Variants in CCDC102B observed in about 807,000 individuals in gnomAD.
CCDC102B encodes coiled-coil domain-containing protein 102B.
CCDC102B carries 75 observed loss-of-function variants against 57.4 expected under a neutral mutation model. The ratio of observed to expected loss-of-function variants is 1.31; its 90% CI spans 1.08 to 1.58. The LOEUF is 1.58. Ranked by LOEUF, CCDC102B falls within the 40% of genes most tolerant of loss-of-function variation. The pLI is 0.00. For synonymous variants in CCDC102B, 206 were observed against 201.9 expected, an observed-to-expected ratio of 1.02 and a Z score of -0.17; for missense variants, 636 against 582.6, an observed-to-expected ratio of 1.09 and a Z score of -0.94.
chr18:68,746,121 G>A lies in CCDC102B; in HGVS notation c.-67+29527G>A, dbSNP rs536893498. 8.0e-4 allele frequency among the ~76,000 whole-genome samples: 122 copies of A among 152,214 alleles called. 1 individual carries two copies. The highest frequency in any genetic ancestry group is 1.5e-3 in the Admixed American group (23 of 15,268). On this transcript the variant is annotated intron_variant, in intron 2 of 3. Coordinates refer to the CCDC102B transcript ENST00000578970. Reference sequence around the variant, plus strand: ...GCAAATTTTAAAAAACATATGCAACGCATGACATCTTGTCCTAATCCTTAG... The same window carrying A: ...GCAAATTTTAAAAAACATATGCAACACATGACATCTTGTCCTAATCCTTAG...
intron 4 of CCDC102B, among the ~76,000 whole-genome samples, chr18:68,857,010 C>T (rs1331562988): frequency 2.3e-5 from 3 of 128,362 alleles, no homozygotes; most frequent in Non-Finnish European, 3.2e-5. Flanking sequence ...TTTGTTTTGT[C>T]TATTTTCTTT....
chr18:68,930,530 A>T (rs990077963), intron 6 of CCDC102B, among the ~76,000 whole-genome samples: 1 of 151,880 alleles, frequency 6.6e-6, no homozygotes, highest in African/African-American at 2.4e-5. Context: ...GGCCAAAATG[A>T]CTGCCTCGGG....
intron 5 of CCDC102B, among the ~76,000 whole-genome samples, chr18:68,883,325 C>T (rs891073110): frequency 2.0e-5 from 3 of 151,908 alleles, no homozygotes; most frequent in African/African-American, 4.8e-5. Context: ...GCAAGAGAAT[C>T]GCTCAAACCC....
chr18:68,777,588 C>T (rs1015586668), intron 2 of CCDC102B, among the ~76,000 whole-genome samples: 1 of 152,032 alleles, frequency 6.6e-6, no homozygotes, highest in Non-Finnish European at 1.5e-5. Flanking sequence ...TTTTTCTTGG[C>T]ATGGGTTAAA....
intron 2 of CCDC102B, among the ~76,000 whole-genome samples, chr18:68,741,569 T>G (rs1190358217): frequency 6.6e-6 from 1 of 151,976 alleles, no homozygotes; most frequent in Non-Finnish European, 1.5e-5. Flanking sequence ...GTTGAAATAT[T>G]TTCAACTTTG....
chr18:68,896,301 G>C (rs1257174733), intron 5 of CCDC102B, among the ~76,000 whole-genome samples: 1 of 151,908 alleles, frequency 6.6e-6, no homozygotes, highest in Non-Finnish European at 1.5e-5. Flanking sequence ...AAAACTTAAA[G>C]ACATTAAAAT....
chr18:68,804,780 G>A (rs2035973723), intron 1 of CCDC102B, among the ~76,000 whole-genome samples: 1 of 152,002 alleles, frequency 6.6e-6, no homozygotes, highest in Admixed American at 6.6e-5. Flanking sequence ...AAGAGAAAAT[G>A]AGATAAATGA....
intron 7 of CCDC102B, among the ~76,000 whole-genome samples, chr18:69,033,396 G>A (rs1018160168): frequency 2.0e-5 from 3 of 152,034 alleles, no homozygotes; most frequent in African/African-American, 7.2e-5. Flanking sequence ...TTTTAAAACA[G>A]TGTCATCATC....
At chr18:68,845,108 T>C (rs924342204) in intron 3 of CCDC102B, among the ~76,000 whole-genome samples, 2 of 151,928 alleles carry the variant, frequency 1.3e-5, no homozygotes, top group Non-Finnish European at 2.9e-5. Context: ...TATGTAAATA[T>C]AATTATATAA....
intron 2 of CCDC102B, among the ~76,000 whole-genome samples, chr18:68,781,832 C>T (rs1189525564): frequency 6.6e-6 from 1 of 151,702 alleles, no homozygotes; most frequent in African/African-American, 2.4e-5. Flanking sequence ...ATTGCTGAGC[C>T]TTTGTAGATT....
Position 68,790,425 on chromosome 18 carries a change from C to T in CCDC102B, c.-66-32941C>T, listed in dbSNP as rs1184731280. Among the ~76,000 whole-genome samples the T allele has an allele frequency of 2.6e-5, 4 of 152,004 alleles. No individual in the cohort carries two copies. The South Asian group carries it at 8.3e-4, about 32-fold the overall frequency. ...TGGGCAATGGCGGGCGCCCCTCCCCCAGCCTCGCTGCCGCCTTGCAGTTTG... is the reference window on the plus strand; with the variant it reads ...TGGGCAATGGCGGGCGCCCCTCCCCTAGCCTCGCTGCCGCCTTGCAGTTTG... On this transcript the variant is annotated intron_variant, in intron 2 of 3. Transcript: ENST00000578970.
chr18:68,723,862 A>G (rs2032473781), intron 2 of CCDC102B, among the ~76,000 whole-genome samples: 1 of 152,320 alleles, frequency 6.6e-6, no homozygotes, highest in Admixed American at 6.5e-5. Flanking sequence ...TCCACTAGTC[A>G]GTGCCCCAGT....
At chr18:69,000,491 T>C (rs1019529820) in intron 6 of CCDC102B, among the ~76,000 whole-genome samples, 1 of 152,154 alleles carries the variant, frequency 6.6e-6, no homozygotes, top group African/African-American at 2.4e-5. Flanking sequence ...CACATACATA[T>C]ACACACATAT....
chr18:68,738,428 T>C (rs1319420300), intron 2 of CCDC102B, among the ~76,000 whole-genome samples: 1 of 152,178 alleles, frequency 6.6e-6, no homozygotes, highest in Non-Finnish European at 1.5e-5. Flanking sequence ...GATTACATAT[T>C]ACTTGGAAGA....
At chr18:68,967,683 T>G (rs916358156) in intron 6 of CCDC102B, among the ~76,000 whole-genome samples, 8 of 152,120 alleles carry the variant, frequency 5.3e-5, no homozygotes, top group Non-Finnish European at 7.4e-5. Flanking sequence ...TATGAAACGT[T>G]TATGTATAAA....
Position 68,819,160 on chromosome 18 carries a change from C to A in CCDC102B, c.-15-17589C>A, listed in dbSNP as rs144247515. 8.3e-3 allele frequency among the ~76,000 whole-genome samples: 1,260 copies of A among 152,020 alleles called. 8 individuals carry two copies. Among genetic ancestry groups the A allele is most frequent in the Non-Finnish European group, 0.015 (1,008 of 67,890 alleles). On this transcript the variant is annotated intron_variant, in intron 1 of 7. Transcript: ENST00000360242. ...TTACTTTACGGTTAATGCTTGATATCCTGTTTAGAAAAATCTTAACTGCAA... is the reference window on the plus strand; with the variant it reads ...TTACTTTACGGTTAATGCTTGATATACTGTTTAGAAAAATCTTAACTGCAA...
At chr18:68,762,286 A>C (rs1330459469) in intron 2 of CCDC102B, among the ~76,000 whole-genome samples, 1 of 152,176 alleles carries the variant, frequency 6.6e-6, no homozygotes, top group Non-Finnish European at 1.5e-5. Flanking sequence ...TACGGAGAAC[A>C]TATTTGCCTT....
intron 6 of CCDC102B, among the ~76,000 whole-genome samples, chr18:68,904,959 C>A (rs994205151): frequency 6.6e-5 from 10 of 152,080 alleles, no homozygotes; most frequent in African/African-American, 2.4e-4. Flanking sequence ...TTTGGCACAT[C>A]CTCATAACTG....
chr18:68,900,325 T>G (rs2040401427), intron 6 of CCDC102B: 1 of 152,134 alleles, frequency 6.6e-6, no homozygotes, highest in African/African-American at 2.4e-5. Context: ...GGAAGAGAAA[T>G]GCAGCTCATT....
Sources: gnomAD v4.1 joint callset for allele counts (sites outside exome capture counted in the v4.1 genomes callset) on GRCh38, gnomAD v4.1.1 for gene constraint, MANE v1.5 for transcripts, NCBI Gene and HGNC (gene_info 2026-07-23, HGNC 2026-07-21) for gene names.